The following LAMA1 variants were observed in gnomAD, a reference collection of about 807,000 sequenced individuals.
The protein encoded by LAMA1 is laminin subunit alpha 1.
Under a neutral mutation model 348.7 loss-of-function variants are expected in LAMA1, and 219 were observed. The observed-to-expected ratio is 0.63, with a 90% CI of 0.56 to 0.70. LAMA1 has a LOEUF of 0.70. Among genes scored for constraint, LAMA1 ranks in the 30% least tolerant of loss-of-function variants. The pLI is 0.00. For missense variants in LAMA1, 3,744 were observed against 3,888.0 expected (o/e 0.96, Z 0.99); for synonymous variants, 1,487 against 1,491.0 (o/e 1.00, Z 0.06).
intron 3 of LAMA1, among the ~76,000 whole-genome samples, chr18:7,068,542 G>A (rs1473576433): frequency 6.6e-6 from 1 of 152,082 alleles, no homozygotes; most frequent in Non-Finnish European, 1.5e-5. Context: ...AGAATCACAG[G>A]GGATTTTTTA....
chr18:7,038,754 A>G, intron 11 of LAMA1, 56 bp downstream of exon 11: 1 of 1,608,916 alleles, frequency 6.2e-7, no homozygotes, highest in Non-Finnish European at 8.5e-7. Flanking sequence ...GCTCGTGCCA[A>G]GCTTGTGCAA....
intron 15 of LAMA1, among the ~76,000 whole-genome samples, chr18:7,032,766 G>A (rs893915824): frequency 6.6e-6 from 1 of 152,204 alleles, no homozygotes; most frequent in Non-Finnish European, 1.5e-5. Context: ...GCAGCACTAA[G>A]TCAGAATATT....
chr18:7,010,513 T>G lies in LAMA1; in HGVS notation c.3688-128A>C, dbSNP rs931981159. On this transcript the variant is annotated intron_variant, in intron 25 of 62. Transcript: ENST00000389658. ...AATACATCACATGGGTGAAATTTGTTGTCTGGAATTTGCTTCCTTCTAATT... is the reference window on the plus strand; with the variant it reads ...AATACATCACATGGGTGAAATTTGTGGTCTGGAATTTGCTTCCTTCTAATT... 12 of 902,580 alleles carry G rather than the reference T, an allele frequency of 1.3e-5. No individual in the cohort carries two copies. The South Asian group carries it at 1.6e-4, about 12-fold the overall frequency. The allele number at this position is 902,580 out of a possible 1,614,324, so 55.9% of individuals were successfully genotyped here. A position where few individuals can be genotyped will look rare whatever the true frequency, so the allele number is the denominator to read the frequency against.
At chr18:7,104,819 C>A (rs2058305627) in intron 1 of LAMA1, among the ~76,000 whole-genome samples, 1 of 152,248 alleles carries the variant, frequency 6.6e-6, no homozygotes, top group African/African-American at 2.4e-5. Flanking sequence ...TTCATCCCAG[C>A]ACTTGCAGCT....
chr18:7,021,799 T>G, intron 19 of LAMA1, among the ~76,000 whole-genome samples: 1 of 72,984 alleles, frequency 1.4e-5, no homozygotes, highest in African/African-American at 5.5e-5. Context: ...AATATAATAA[T>G]ATATTATATT....
intron 6 of LAMA1, 136 bp from the exon 7 acceptor site, chr18:7,044,975 A>G (rs1015614927): frequency 1.6e-5 from 12 of 751,814 alleles, no homozygotes; most frequent in Non-Finnish European, 2.9e-5. Flanking sequence ...TCATCAAAGC[A>G]AACTGGCATT....
chr18:7,073,359 A>G (rs1359132548), intron 3 of LAMA1, among the ~76,000 whole-genome samples: 1 of 152,170 alleles, frequency 6.6e-6, no homozygotes, highest in African/African-American at 2.4e-5. Flanking sequence ...ACTACCATCT[A>G]TCTCCAGAAC....
At chr18:7,105,886 A>C (rs2058310017) in intron 1 of LAMA1, among the ~76,000 whole-genome samples, 1 of 152,206 alleles carries the variant, frequency 6.6e-6, no homozygotes, top group African/African-American at 2.4e-5. Context: ...AGCAAGACTA[A>C]ACTGTGGGGA....
chr18:7,032,172 C>A lies in LAMA1; in HGVS notation c.2168G>T (p.Cys723Phe). 6.2e-7 allele frequency: 1 copy of A among 1,609,548 alleles called. No individual in the cohort carries two copies. Among genetic ancestry groups the A allele is most frequent in the Non-Finnish European group, 8.5e-7 (1 of 1,175,914 alleles). ...QGYTGTSCES[C>F]LSGYYRVDGI... ...ATCCACGCGGTAATAGCCAGAGAGGCACGACTGCAAGAGAAGGGAAAGTCA... is the reference window on the plus strand; with the variant it reads ...ATCCACGCGGTAATAGCCAGAGAGGAACGACTGCAAGAGAAGGGAAAGTCA... The change falls in exon 16 of 63, where the codon TGC becomes TTC. Residue 723 changes from cysteine (C) to phenylalanine (F), a missense_variant. Cys to Phe is a radical substitution (Grantham distance 205, BLOSUM62 -2). This residue lies in a region of LAMA1 where 1,529 missense variants were observed against 1,689.4 expected (regional missense o/e 0.91). Transcript: ENST00000389658.
intron 3 of LAMA1, among the ~76,000 whole-genome samples, chr18:7,055,791 C>T (rs187452483): frequency 3.2e-4 from 48 of 152,004 alleles, no homozygotes; most frequent in African/African-American, 8.4e-4. Flanking sequence ...ACATTAGAAG[C>T]GAAATAAGGC....
chr18:7,037,597 T>C lies in LAMA1; in HGVS notation c.1718A>G (p.Glu573Gly). Residue 573 changes from glutamate (E) to glycine (G), a missense_variant, in exon 12 of 63, where the codon GAG becomes GGG. By Grantham distance (98) the Glu-to-Gly change is moderately conservative (BLOSUM62 -2). Transcript: ENST00000389658. ...ACGCACCTTATTTCCAAGGTAGGCC[T>C]CGGGGGCTGCCCAGTAGTACTTGGG... ...LAPKYYWAAPEAYLGNKLTAF... is the reference protein window; with the variant it reads ...LAPKYYWAAPGAYLGNKLTAF... 6 of 1,614,040 alleles carry C rather than the reference T, an allele frequency of 3.7e-6. No individual in the cohort carries two copies. Among genetic ancestry groups the C allele is most frequent in the Non-Finnish European group, 5.1e-6 (6 of 1,180,002 alleles).
intron 22 of LAMA1, among the ~76,000 whole-genome samples, 181 bp from the exon 23 acceptor site, chr18:7,014,232 C>T (rs1194481515): frequency 1.3e-5 from 2 of 152,170 alleles, no homozygotes; most frequent in African/African-American, 2.4e-5. Context: ...CATTGTGTTG[C>T]CGGAAATCTG....
Position 6,958,652 on chromosome 18 carries a change from C to T in LAMA1, c.7789G>A (p.Val2597Ile). Residue 2597 changes from valine to isoleucine, a missense_variant, in exon 55 of 63, where the codon GTC becomes ATC. Transcript: ENST00000389658. ...ACAGGATTGTTCTCATCCAATTGGA[C>T]AGTGATAATTCTAAAAGACCAATGG... The part of the protein sequence containing the change: ...SLVRNRRIIT[V>I]QLDENNPVEM... 1 of 1,613,500 alleles carries T rather than the reference C, an allele frequency of 6.2e-7. No homozygotes were observed. Among genetic ancestry groups the T allele is most frequent in the Non-Finnish European group, 8.5e-7 (1 of 1,179,452 alleles).
At chr18:7,033,524 T>C (rs2057980662) in intron 14 of LAMA1, among the ~76,000 whole-genome samples, 1 of 151,962 alleles carries the variant, frequency 6.6e-6, no homozygotes, top group African/African-American at 2.4e-5. Context: ...TAAAGGTCTT[T>C]CACAACAATA....
chr18:6,984,008 TTAA>T (rs2057723468), intron 39 of LAMA1, among the ~76,000 whole-genome samples: 1 of 78,684 alleles, frequency 1.3e-5, no homozygotes, highest in Non-Finnish European at 3.1e-5. Context: ...TAACTTTGTG[TTAA>T]ATCACAACAA....
At chr18:7,024,974 C>T (rs1465460950) in intron 17 of LAMA1, among the ~76,000 whole-genome samples, 1 of 152,224 alleles carries the variant, frequency 6.6e-6, no homozygotes, top group Non-Finnish European at 1.5e-5. Context: ...ATGCCCCTTC[C>T]AACCCTATTC....
Position 7,011,472 on chromosome 18 carries a change from A to G in LAMA1, c.3515T>C (p.Leu1172Pro). Reference sequence around the variant, plus strand: ...ACGCAGAAGAGGCTGATCGGAGCCCAGCGTTACCTAAACCACGAAAGGAGG... The same window carrying G: ...ACGCAGAAGAGGCTGATCGGAGCCCGGCGTTACCTAAACCACGAAAGGAGG... The part of the protein sequence containing the change: ...LEDYVRTPVT[L>P]GSDQPLLRVV... Residue 1172 changes from leucine (L) to proline (P), a missense_variant, in exon 25 of 63, where the codon CTG (leucine) becomes CCG (proline). Physicochemically the swap from Leu to Pro is moderately conservative, Grantham distance 98 (BLOSUM62 -3). Around this residue, in one of 3 missense-constraint regions of LAMA1, gnomAD observed 1,529 missense variants for 1,689.4 expected, o/e 0.91. Coordinates refer to ENST00000389658, the MANE Select transcript of LAMA1 (RefSeq NM_005559.4). 1 of 1,603,474 alleles carries G rather than the reference A, an allele frequency of 6.2e-7. No individual in the cohort carries two copies. Among genetic ancestry groups the G allele is most frequent in the Non-Finnish European group, 8.5e-7 (1 of 1,175,280 alleles).
chr18:7,008,979 GT>G (rs1032966753), intron 27 of LAMA1, among the ~76,000 whole-genome samples: 2 of 150,938 alleles, frequency 1.3e-5, no homozygotes, highest in African/African-American at 2.5e-5. Flanking sequence ...AACAGCAATT[GT>G]TTTTTTTGCA....
chr18:6,959,692 T>A, intron 53 of LAMA1, 200 bp from the exon 54 acceptor site: 1 of 598,288 alleles, frequency 1.7e-6, no homozygotes, highest in Non-Finnish European at 3.0e-6. Flanking sequence ...TTCTGCATTA[T>A]GCTATTATTG....
Sources: gnomAD v4.1 joint callset for allele counts (sites outside exome capture counted in the v4.1 genomes callset) on GRCh38, gnomAD v4.1.1 for gene constraint, gnomAD v4.1.1 regional missense constraint, MANE v1.5 for transcripts, NCBI Gene and HGNC (gene_info 2026-07-23, HGNC 2026-07-21) for gene names.